UNC13C: variants seen among roughly 807,000 people sequenced by gnomAD.
UNC13C encodes the protein unc-13 homolog C, also known as protein unc-13 homolog C.
A neutral mutation model predicts 245.4 loss-of-function variants in UNC13C; 174 were observed. The ratio of observed to expected loss-of-function variants is 0.71; its 90% confidence interval spans 0.63 to 0.80. UNC13C has a LOEUF of 0.80. UNC13C is among the 30% of genes least tolerant of loss of function. The pLI, the probability that UNC13C is intolerant of heterozygous loss-of-function variation, is 0.00. For missense variants in UNC13C, 2,829 were observed against 2,602.9 expected (o/e 1.09, Z -1.89); for synonymous variants, 992 against 895.1 (o/e 1.11, Z -1.93).
chr15:54,626,304 TGG>T (rs1306103213), intron 32 of UNC13C, among the ~76,000 whole-genome samples: 1 of 31,752 alleles, frequency 3.1e-5, no homozygotes, highest in Non-Finnish European at 1.2e-4. Context: ...TGATTTACTC[TGG>T]ATGGAGATTT....
At chr15:54,086,715 CTA>C (rs972749854) in intron 2 of UNC13C, among the ~76,000 whole-genome samples, 1 of 118,260 alleles carries the variant, frequency 8.5e-6, no homozygotes, top group African/African-American at 2.8e-5. Context: ...TTCACATGTA[CTA>C]TGTGTTGCTT....
chr15:54,033,698 C>T (rs1051314361), intron 2 of UNC13C, among the ~76,000 whole-genome samples: 1 of 152,038 alleles, frequency 6.6e-6, no homozygotes, highest in Admixed American at 6.6e-5. Context: ...AAGCCAAAAC[C>T]CAGAGATATT....
chr15:54,201,663 G>A (rs539000102), intron 4 of UNC13C, among the ~76,000 whole-genome samples: 1 of 151,646 alleles, frequency 6.6e-6, no homozygotes, highest in African/African-American at 2.4e-5. Context: ...AGGGACATAT[G>A]TTAAGGTAAT....
At chr15:54,002,218 G>A (rs572653288) in intron 1 of UNC13C, among the ~76,000 whole-genome samples, 4 of 152,198 alleles carry the variant, frequency 2.6e-5, no homozygotes, top group South Asian at 4.1e-4. Flanking sequence ...CCTGGGAGGC[G>A]GAGCTTGCAG....
chr15:53,848,764 G>T, the UNC13C span, among the ~76,000 whole-genome samples: 1 of 151,892 alleles, frequency 6.6e-6, no homozygotes, highest in Non-Finnish European at 1.5e-5. Flanking sequence ...CATAATTATG[G>T]TTTTTAACTA....
At chr15:54,068,410 G>A (rs1898168693) in intron 2 of UNC13C, among the ~76,000 whole-genome samples, 1 of 152,086 alleles carries the variant, frequency 6.6e-6, no homozygotes, top group Non-Finnish European at 1.5e-5. Flanking sequence ...TGGGTCTGGG[G>A]GCTAAATCCA....
the UNC13C span, among the ~76,000 whole-genome samples, chr15:53,963,052 T>C: frequency 1.6e-4 from 25 of 152,198 alleles, no homozygotes; most frequent in South Asian, 1.0e-3. Flanking sequence ...GGAAGCTGAT[T>C]CTGCTGTCCT....
intron 2 of UNC13C, among the ~76,000 whole-genome samples, chr15:54,045,008 C>T (rs189191537): frequency 2.0e-4 from 30 of 152,106 alleles, no homozygotes; most frequent in Middle Eastern, 3.4e-3. Context: ...AAAATATTTT[C>T]TCTCAATCTG....
At chr15:54,120,301 G>A (rs12914962) in intron 2 of UNC13C, among the ~76,000 whole-genome samples, 28,817 of 152,006 alleles carry the variant, frequency 0.19, 2,911 homozygotes, top group South Asian at 0.28. Context: ...AAATCCTAGA[G>A]CCTTTGGGAA....
chr15:53,890,752 TC>T, the UNC13C span, among the ~76,000 whole-genome samples: 2 of 73,560 alleles, frequency 2.7e-5, no homozygotes, highest in Non-Finnish European at 7.2e-5. Context: ...GATTCTTCTC[TC>T]TTTTCTTCTT....
chr15:54,424,114 A>T (rs189426175), intron 19 of UNC13C, among the ~76,000 whole-genome samples: 1 of 151,900 alleles, frequency 6.6e-6, no homozygotes, highest in South Asian at 2.1e-4. Context: ...TTGAACTTGA[A>T]TTGTGGAACT....
At chr15:54,310,452 C>G (rs1596193732) in intron 13 of UNC13C, among the ~76,000 whole-genome samples, 1 of 151,828 alleles carries the variant, frequency 6.6e-6, no homozygotes, top group African/African-American at 2.4e-5. Flanking sequence ...TTTTCCTAAC[C>G]CCTGGCTGCA....
At chr15:54,136,568 A>G (rs2031743582) in intron 2 of UNC13C, among the ~76,000 whole-genome samples, 1 of 151,928 alleles carries the variant, frequency 6.6e-6, no homozygotes, top group African/African-American at 2.4e-5. Flanking sequence ...TCCAGTGAGA[A>G]CTTCTAGTAC....
chr15:53,842,252 C>T, the UNC13C span, among the ~76,000 whole-genome samples: 3 of 152,154 alleles, frequency 2.0e-5, no homozygotes, highest in African/African-American at 7.2e-5. Context: ...ATTCCTCTGA[C>T]TTTTACTTTG....
intron 2 of UNC13C, among the ~76,000 whole-genome samples, chr15:54,029,835 G>A (rs763821784): frequency 1.3e-5 from 2 of 152,142 alleles, no homozygotes; most frequent in Admixed American, 6.5e-5. Flanking sequence ...GTGGACCAGA[G>A]CATATGGTCA....
At chr15:53,982,218 G>A (rs767271110) in intron 1 of UNC13C, among the ~76,000 whole-genome samples, 56 of 152,196 alleles carry the variant, frequency 3.7e-4, no homozygotes, top group African/African-American at 1.3e-3. Flanking sequence ...CAAATCCTGC[G>A]TTCAGGATAA....
intron 2 of UNC13C, among the ~76,000 whole-genome samples, chr15:54,117,692 T>C (rs1265756173): frequency 6.6e-6 from 1 of 152,104 alleles, no homozygotes; most frequent in Admixed American, 6.6e-5. Flanking sequence ...GTGAGTCTCC[T>C]GCCTCTGCCT....
the UNC13C span, among the ~76,000 whole-genome samples, chr15:53,973,042 A>G: frequency 6.6e-6 from 1 of 152,090 alleles, no homozygotes; most frequent in Non-Finnish European, 1.5e-5. Flanking sequence ...GGAAATCTGT[A>G]AAGAATAGAA....
intron 29 of UNC13C, among the ~76,000 whole-genome samples, chr15:54,563,549 G>A (rs924800549): frequency 2.0e-5 from 3 of 151,962 alleles, no homozygotes; most frequent in Non-Finnish European, 4.4e-5. Flanking sequence ...GGAATTACAA[G>A]AAACCAAGTC....
Sources: gnomAD v4.1 joint callset for allele counts (sites outside exome capture counted in the v4.1 genomes callset) on GRCh38, gnomAD v4.1.1 for gene constraint, MANE v1.5 for transcripts, NCBI Gene and HGNC (gene_info 2026-07-23, HGNC 2026-07-21) for gene names.